The following CABP1 variants were observed in gnomAD, a reference collection of about 807,000 sequenced individuals.
The protein encoded by CABP1 is calcium-binding protein 1.
Under a neutral mutation model 34.3 loss-of-function variants are expected in CABP1, and 17 were observed. That is an observed-to-expected ratio of 0.50 (90% CI 0.34 to 0.74). The LOEUF is 0.74. Ranked by LOEUF, CABP1 falls within the 30% of genes least tolerant of loss-of-function variation. The pLI is 0.01. For missense variants in CABP1, 373 were observed against 511.1 expected (o/e 0.73, Z 2.61); for synonymous variants, 198 against 229.2 (o/e 0.86, Z 1.23).
chr12:120,641,244 G>T lies in CABP1; in HGVS notation c.559G>T (p.Ala187Ser). ...PALGLRGSLR[A>S]RGRGDSVPAA... is the part of the protein sequence containing the mutation. ...GCTCGGCCTCCGGGGCTCTCTGCGA[G>T]CCCGGGGCCGCGGGGACTCCGTTCC... The change falls in exon 1 of 6, where the codon GCC (alanine) becomes TCC (serine). Residue 187 changes from alanine (A) to serine (S), a missense_variant. By Grantham distance (99) the Ala-to-Ser change is moderately conservative. This residue lies in a region of CABP1 where 121 missense variants were observed against 125.5 expected (regional missense o/e 0.96). Transcript: ENST00000316803. This position sits in a 1 kb window ranked among gnomAD's most constrained non-coding sequence, Gnocchi z 6.7. The T allele has an allele frequency of 7.8e-7, 1 of 1,284,816 alleles. No homozygotes were observed. Among genetic ancestry groups the T allele is most frequent in the South Asian group, 2.5e-5 (1 of 40,060 alleles). 79.6% of individuals were successfully genotyped at this position (1,284,816 alleles called of 1,614,324 possible). A position where few individuals can be genotyped will look rare whatever the true frequency, so the allele number is the denominator to read the frequency against.
intron 1 of CABP1, among the ~76,000 whole-genome samples, chr12:120,646,397 T>C (rs1384132565): frequency 6.6e-6 from 1 of 152,184 alleles, no homozygotes; most frequent in East Asian, 1.9e-4. Context: ...ATTCCAGCAC[T>C]CAAAGTAGGG....
the CABP1 span, among the ~76,000 whole-genome samples, chr12:120,673,959 A>G: frequency 1.3e-5 from 2 of 152,184 alleles, no homozygotes; most frequent in Non-Finnish European, 2.9e-5. Context: ...AAGTGAGAGG[A>G]TCGTTTGAGC....
At chr12:120,672,283 TG>T (rs1461768641), downstream of CABP1, among the ~76,000 whole-genome samples, 3 of 152,010 alleles carry the variant, frequency 2.0e-5, no homozygotes, top group East Asian at 3.9e-4. Context: ...AACTCCAAAC[TG>T]GGAAAAACAA....
intron 1 of CABP1, chr12:120,650,794 G>A: frequency 9.0e-7 from 1 of 1,110,974 alleles, no homozygotes; most frequent in Non-Finnish European, 1.4e-6. Flanking sequence ...CTTCCCAGGG[G>A]TTCTGTCCAG....
intron 1 of CABP1, among the ~76,000 whole-genome samples, chr12:120,644,052 C>A (rs1459529474): frequency 6.6e-6 from 1 of 152,140 alleles, no homozygotes; most frequent in Non-Finnish European, 1.5e-5. Flanking sequence ...ATGGAGACAG[C>A]GTGGTTTTGA....
chr12:120,679,093 A>AC, the CABP1 span, among the ~76,000 whole-genome samples: 16 of 150,374 alleles, frequency 1.1e-4, no homozygotes, highest in African/African-American at 3.7e-4. Context: ...AAAAAAAAAA[A>AC]CCAACTTTAA....
At chr12:120,652,380 A>G (rs1879902599) in intron 1 of CABP1, among the ~76,000 whole-genome samples, 1 of 151,314 alleles carries the variant, frequency 6.6e-6, no homozygotes, top group Non-Finnish European at 1.5e-5. Flanking sequence ...TTTTTTCTAA[A>G]TATCTGCAAC....
chr12:120,666,773 G>A, intron 5 of CABP1, 102 bp from the exon 6 acceptor site: 2 of 1,279,222 alleles, frequency 1.6e-6, no homozygotes, highest in Non-Finnish European at 2.2e-6. Context: ...TGGGGGACCA[G>A]CACAGAGTTG....
chr12:120,641,801 A>G lies in CABP1; in HGVS notation c.654+462A>G, dbSNP rs938700477. 6.6e-6 allele frequency among the ~76,000 whole-genome samples: 1 copy of G among 152,242 alleles called. No homozygotes were observed. The highest frequency in any genetic ancestry group is 2.4e-5 in the African/African-American group (1 of 41,462). ...GAGAACACAGAATTACTTGAGGGCGAGGGACACTGGCCACTGCCTATCATG... is the reference window on the plus strand; with the variant it reads ...GAGAACACAGAATTACTTGAGGGCGGGGGACACTGGCCACTGCCTATCATG... On this transcript the variant is annotated intron_variant, in intron 1 of 5. Coordinates refer to ENST00000316803, the MANE Select transcript of CABP1 (RefSeq NM_001033677.2). The surrounding 1 kb of genome is among the most constrained non-coding windows in gnomAD (Gnocchi z 6.7).
rs1439690283 is a variant in CABP1, at chr12:120,658,323, C to T, written c.655-1555C>T. Among the ~76,000 whole-genome samples the T allele has an allele frequency of 3.5e-4, 54 of 152,132 alleles. 1 individual carries two copies. Among genetic ancestry groups the T allele is most frequent in the Admixed American group, 3.5e-3 (53 of 15,266 alleles). ...ATATCGCCCAGGCTGGTCTCGAACT[C>T]CTGGCTTCAAGTGATCCCCTCGCCT... On this transcript the variant is annotated intron_variant, in intron 1 of 5. Transcript: ENST00000316803.
At chr12:120,655,023 C>T (rs1405595836) in intron 1 of CABP1, among the ~76,000 whole-genome samples, 1 of 152,206 alleles carries the variant, frequency 6.6e-6, no homozygotes, top group African/African-American at 2.4e-5. Context: ...CTTGAAATCA[C>T]AAACTGGGTG....
chr12:120,640,925 C>CG lies in CABP1; in HGVS notation c.245dup (p.Ser83GlnfsTer16). 1 of 1,115,856 alleles carries CG rather than the reference C, an allele frequency of 9.0e-7. No individual in the cohort carries two copies. The highest frequency in any genetic ancestry group is 1.1e-6 in the Non-Finnish European group (1 of 914,522). The allele number at this position is 1,115,856 out of a possible 1,614,324, so 69.1% of individuals were successfully genotyped here. On this transcript the variant is annotated frameshift_variant, in exon 1 of 6. Transcript: ENST00000316803. LOFTEE classifies it high-confidence loss of function. This position sits in a 1 kb window ranked among gnomAD's most constrained non-coding sequence, Gnocchi z 6.2. ...TGAAGGCGGCGGCGGCGGCGGCGAG[C>CG]GGGGGCAGCCGGGCTCCCCGCCACG...
At position 120,666,964 on chromosome 12, in the gene CABP1, T is replaced by C; in HGVS notation, c.*64T>C. 1.3e-6 allele frequency: 2 copies of C among 1,551,382 alleles called. No homozygotes were observed. The highest frequency in any genetic ancestry group is 1.7e-6 in the Non-Finnish European group (2 of 1,151,576). Reference sequence around the variant, plus strand: ...GGCGGGGCTAAGAGGAGCTAGAGCTTGCCTCACCCGCTGTAGCCGCCGAGA... The same window carrying C: ...GGCGGGGCTAAGAGGAGCTAGAGCTCGCCTCACCCGCTGTAGCCGCCGAGA... On this transcript the variant is annotated 3_prime_UTR_variant, in exon 6 of 6. Coordinates refer to ENST00000316803, the MANE Select transcript of CABP1 (RefSeq NM_001033677.2).
intron 1 of CABP1, among the ~76,000 whole-genome samples, chr12:120,657,295 G>A (rs1001101174): frequency 2.0e-5 from 3 of 152,176 alleles, no homozygotes; most frequent in African/African-American, 7.2e-5. Flanking sequence ...ATGTTATAGA[G>A]GTAAACATTT....
intron 1 of CABP1, chr12:120,655,674 A>T: frequency 7.0e-7 from 1 of 1,427,464 alleles, no homozygotes; most frequent in Non-Finnish European, 9.1e-7. Context: ...GATTGACTGA[A>T]TTGGGAGGTT....
At position 120,667,048 on chromosome 12, in the gene CABP1, A is replaced by T. The variant is rs1192266819; in HGVS notation, c.*148A>T. 9 of 855,356 alleles carry T rather than the reference A, an allele frequency of 1.1e-5. No individual in the cohort carries two copies. Among genetic ancestry groups the T allele is most frequent in the Non-Finnish European group, 1.6e-5 (9 of 552,736 alleles). The allele number at this position is 855,356 out of a possible 1,614,324, so 53.0% of individuals were successfully genotyped here. ...CACCCCGGGGAGGCGCCCACCCCGG[A>T]CCCCCACCCCTCCGCACTGTGAAAG... On this transcript the variant is annotated 3_prime_UTR_variant, in exon 6 of 6. Coordinates refer to ENST00000316803, the MANE Select transcript of CABP1 (RefSeq NM_001033677.2).
the CABP1 span, among the ~76,000 whole-genome samples, chr12:120,676,906 C>T: frequency 3.1e-3 from 479 of 152,160 alleles, 2 homozygotes; most frequent in Non-Finnish European, 5.7e-3. Context: ...ACAATTGTGT[C>T]CTTAACACAA....
intron 1 of CABP1, among the ~76,000 whole-genome samples, chr12:120,648,716 A>G (rs1879663896): frequency 6.6e-6 from 1 of 151,984 alleles, no homozygotes; most frequent in Non-Finnish European, 1.5e-5. Context: ...CCCCATCTCT[A>G]CTAAAAATAC....
intron 1 of CABP1, among the ~76,000 whole-genome samples, chr12:120,653,682 C>T (rs558451107): frequency 1.1e-4 from 17 of 152,224 alleles, no homozygotes; most frequent in African/African-American, 3.4e-4. Flanking sequence ...TATGGGTGCC[C>T]GCCACCACAC....
Sources: gnomAD v4.1 joint callset for allele counts (sites outside exome capture counted in the v4.1 genomes callset) on GRCh38, gnomAD v4.1.1 for gene constraint, gnomAD v4.1.1 regional missense constraint, Gnocchi (gnomAD v3.1) non-coding constraint, MANE v1.5 for transcripts, NCBI Gene and HGNC (gene_info 2026-07-23, HGNC 2026-07-21) for gene names.